ZNF83: variants seen among roughly 807,000 people sequenced by gnomAD.
ZNF83 encodes the protein zinc finger protein 83, also known as zinc finger protein 816B.
For missense variants in ZNF83, 552 were observed against 629.9 expected (o/e 0.88, Z 1.32); for synonymous variants, 209 against 213.0 (o/e 0.98, Z 0.17).
At chr19:52,676,148 T>C (rs1048793767) in intron 1 of ZNF83, among the ~76,000 whole-genome samples, 3 of 151,978 alleles carry the variant, frequency 2.0e-5, no homozygotes, top group Non-Finnish European at 2.9e-5. Flanking sequence ...GCCTGACTGG[T>C]TTTCGTATTT....
At chr19:52,662,732 G>T (rs1427082064) in intron 1 of ZNF83, among the ~76,000 whole-genome samples, 2 of 152,076 alleles carry the variant, frequency 1.3e-5, no homozygotes, top group African/African-American at 4.8e-5. Flanking sequence ...TACAGATGGG[G>T]GTCACTGAGG....
chr19:52,680,603 AATATTTTTTTTT>A (rs1224670479), intron 1 of ZNF83, among the ~76,000 whole-genome samples: 1 of 101,640 alleles, frequency 9.8e-6, no homozygotes, highest in Non-Finnish European at 2.3e-5. Flanking sequence ...TTTTCCACAA[AATATTTTTTTTT>A]TTTTTTTTTT....
intron 2 of ZNF83, among the ~76,000 whole-genome samples, chr19:52,629,912 T>C (rs2060888355): frequency 6.6e-6 from 1 of 152,046 alleles, no homozygotes; most frequent in Non-Finnish European, 1.5e-5. Context: ...TGTACAATAA[T>C]AGAAAAAAGT....
chr19:52,690,114 C>T (rs2062126402), intron 1 of ZNF83, among the ~76,000 whole-genome samples: 1 of 147,250 alleles, frequency 6.8e-6, no homozygotes, highest in Non-Finnish European at 1.5e-5. Flanking sequence ...GTGCCCACGG[C>T]GGGAATCCAC....
intron 2 of ZNF83, among the ~76,000 whole-genome samples, chr19:52,630,923 A>G (rs1187867673): frequency 2.6e-5 from 4 of 151,644 alleles, no homozygotes; most frequent in African/African-American, 9.7e-5. Context: ...GCACCTTATC[A>G]ACCAAATTGT....
Position 52,688,969 on chromosome 19 carries a change from A to G in ZNF83, c.-283+1474T>C, listed in dbSNP as rs76198020. On this transcript the variant is annotated intron_variant, in intron 1 of 5. Coordinates refer to the ZNF83 transcript ENST00000594682. ...TTGAAGGAAAAAAAAAAAAAAAAAAAAAAGAGAGAGATTATTTTACTGTTA... is the reference window on the plus strand; with the variant it reads ...TTGAAGGAAAAAAAAAAAAAAAAAAGAAAGAGAGAGATTATTTTACTGTTA... Among the ~76,000 whole-genome samples, 99 of 130,832 alleles carry G rather than the reference A, an allele frequency of 7.6e-4. 1 individual carries two copies. The highest frequency in any genetic ancestry group is 1.4e-3 in the African/African-American group (47 of 33,726). The allele number at this position is 130,832 out of a possible 152,430, so 85.8% of individuals were successfully genotyped here.
At chr19:52,638,514 A>G (rs1183690951), upstream of ZNF83, 1 of 147,750 alleles carries the variant, frequency 6.8e-6, no homozygotes, top group Non-Finnish European at 1.5e-5. Flanking sequence ...GTCTCTCAGC[A>G]TCGTTCCCAG....
intron 1 of ZNF83, chr19:52,636,223 G>C (rs1293625083): frequency 1.3e-5 from 2 of 152,142 alleles, no homozygotes; most frequent in Non-Finnish European, 2.9e-5. Flanking sequence ...GCTGACGTAG[G>C]AGGATTACTT....
intron 1 of ZNF83, among the ~76,000 whole-genome samples, chr19:52,677,005 C>G (rs952733354): frequency 3.4e-5 from 5 of 146,940 alleles, no homozygotes; most frequent in Admixed American, 6.8e-5. Flanking sequence ...GCCGCAGGGT[C>G]CTCTGCCTAG....
In ZNF83 at chr19:52,683,228, CTGTGTGTGTGTGTGTGTGTGTGTGTG is replaced by C. The variant is rs67463602; in HGVS notation, c.-283+7189_-283+7214del. On this transcript the variant is annotated intron_variant, in intron 1 of 5. Coordinates refer to the ZNF83 transcript ENST00000594682. ...TCAGCTCCTCAGCTGCCCTGTGACT[CTGTGTGTGTGTGTGTGTGTGTGTGTG>C]TGTGTGTGTGTGTGTGTGTGTGTGT... is the stretch of plus-strand genomic sequence containing the variant. Among the ~76,000 whole-genome samples, 204 of 127,998 alleles carry C rather than the reference CTGTGTGTGTGTGTGTGTGTGTGTGTG, an allele frequency of 1.6e-3. 4 individuals carry two copies. In the East Asian group the frequency reaches 0.031, roughly 20 times the overall value. 84.0% of individuals were successfully genotyped at this position (127,998 alleles called of 152,430 possible). A position where few individuals can be genotyped will look rare whatever the true frequency, so the allele number is the denominator to read the frequency against.
chr19:52,672,016 C>T (rs968757718), intron 1 of ZNF83, among the ~76,000 whole-genome samples: 23 of 151,974 alleles, frequency 1.5e-4, no homozygotes, highest in African/African-American at 5.1e-4. Context: ...GTGGATGACC[C>T]AGAGGTCAGG....
At chr19:52,663,376 C>G (rs1172839973) in intron 1 of ZNF83, among the ~76,000 whole-genome samples, 3 of 152,148 alleles carry the variant, frequency 2.0e-5, no homozygotes, top group Non-Finnish European at 4.4e-5. Context: ...GAAATGAGAT[C>G]TGAGCAAATG....
intron 2 of ZNF83, 131 bp from the exon 3 acceptor site, chr19:52,614,928 A>AT (rs2060251530): frequency 1.1e-6 from 1 of 931,310 alleles, no homozygotes. Flanking sequence ...CCCATTCATG[A>AT]TTTTTAACTT....
At chr19:52,657,246 C>T (rs964522800) in intron 2 of ZNF83, among the ~76,000 whole-genome samples, 3 of 152,146 alleles carry the variant, frequency 2.0e-5, no homozygotes, top group African/African-American at 4.8e-5. Flanking sequence ...CAGAAACTCT[C>T]GGGCTAAAAA....
chr19:52,666,002 C>CA (rs36054712), intron 1 of ZNF83, among the ~76,000 whole-genome samples: 49,099 of 144,230 alleles, frequency 0.34, 9,286 homozygotes, highest in African/African-American at 0.53. Flanking sequence ...ACTAAAAATA[C>CA]AAAAAAAAAA....
intron 2 of ZNF83, among the ~76,000 whole-genome samples, chr19:52,616,512 G>A (rs4801924): frequency 0.58 from 88,652 of 152,024 alleles, 25,944 homozygotes; most frequent in Admixed American, 0.69. Flanking sequence ...AAGAAAATGT[G>A]GCACATATAC....
At chr19:52,671,006 G>C (rs1215962819) in intron 1 of ZNF83, among the ~76,000 whole-genome samples, 1 of 152,188 alleles carries the variant, frequency 6.6e-6, no homozygotes, top group South Asian at 2.1e-4. Flanking sequence ...AAAGGTGTTA[G>C]ATTTTTAGTT....
At chr19:52,655,986 G>A (rs1372652348) in intron 2 of ZNF83, among the ~76,000 whole-genome samples, 2 of 152,116 alleles carry the variant, frequency 1.3e-5, no homozygotes, top group Non-Finnish European at 2.9e-5. Context: ...TGAGGTGGGT[G>A]TATCAACTGA....
At chr19:52,622,809 C>T (rs2060596788) in intron 2 of ZNF83, among the ~76,000 whole-genome samples, 1 of 152,180 alleles carries the variant, frequency 6.6e-6, no homozygotes, top group Non-Finnish European at 1.5e-5. Flanking sequence ...GGAATCCAGT[C>T]CTCAAACCCC....
Sources: allele counts gnomAD v4.1 joint callset (sites outside exome capture counted in the v4.1 genomes callset), GRCh38; gene constraint gnomAD v4.1.1; transcripts MANE v1.5; gene names NCBI Gene and HGNC (gene_info 2026-07-23, HGNC 2026-07-21).